The following CLDN16 variants were observed in gnomAD, a reference collection of about 807,000 sequenced individuals.
CLDN16 encodes claudin-16.
CLDN16 carries 13 observed loss-of-function variants against 24.6 expected under a neutral mutation model. The ratio of observed to expected loss-of-function variants is 0.53; its 90% confidence interval spans 0.34 to 0.84. CLDN16 has a LOEUF of 0.84. Among genes scored for constraint, CLDN16 ranks in the 40% least tolerant of loss-of-function variants. The pLI, the probability that CLDN16 is intolerant of heterozygous loss-of-function variation, is 0.01. For synonymous variants in CLDN16, 116 were observed against 106.7 expected, an observed-to-expected ratio of 1.09 and a Z score of -0.54; for missense variants, 298 against 292.7, an observed-to-expected ratio of 1.02 and a Z score of -0.13.
intron 1 of CLDN16, among the ~76,000 whole-genome samples, chr3:190,358,043 A>T (rs1475993239): frequency 6.6e-6 from 1 of 151,932 alleles, no homozygotes; most frequent in South Asian, 2.1e-4. Flanking sequence ...ATAGAATAGG[A>T]TTCTAAAAAT....
At chr3:190,301,484 ACT>A in the CLDN16 span, among the ~76,000 whole-genome samples, 1 of 107,736 alleles carries the variant, frequency 9.3e-6, no homozygotes, top group African/African-American at 4.3e-5. Flanking sequence ...ACAGAATGAG[ACT>A]CTGTCTCAAA....
Position 190,410,308 on chromosome 3 carries a change from A to T in CLDN16, c.*272A>T. 2.3e-6 allele frequency: 1 copy of T among 430,800 alleles called. No individual in the cohort carries two copies. The highest frequency in any genetic ancestry group is 4.3e-6 in the Non-Finnish European group (1 of 235,062). 26.7% of individuals were successfully genotyped at this position (430,800 alleles called of 1,614,324 possible). A position where few individuals can be genotyped will look rare whatever the true frequency, so the allele number is the denominator to read the frequency against. On this transcript the variant is annotated 3_prime_UTR_variant, in exon 5 of 5. Coordinates refer to ENST00000264734, the MANE Select transcript of CLDN16 (RefSeq NM_006580.4). ...TAGGATGTAGAAATATTTGTTTGTG[A>T]TTTCTATATAGCTATTAGAGATTAT...
upstream of CLDN16, among the ~76,000 whole-genome samples, chr3:190,320,911 T>C (rs1462764585): frequency 6.6e-6 from 1 of 152,154 alleles, no homozygotes; most frequent in Non-Finnish European, 1.5e-5. Flanking sequence ...ATTATCTAAG[T>C]AAATGGGAAT....
At chr3:190,310,232 G>A in the CLDN16 span, 1 of 1,613,482 alleles carries the variant, frequency 6.2e-7, no homozygotes, top group Non-Finnish European at 8.5e-7. Flanking sequence ...ATACCATGCT[G>A]TGGCAACTAA....
the CLDN16 span, among the ~76,000 whole-genome samples, chr3:190,310,603 C>G: frequency 2.6e-5 from 4 of 152,066 alleles, no homozygotes; most frequent in Non-Finnish European, 5.9e-5. Flanking sequence ...AAACTATTGT[C>G]ATTATTAGTA....
chr3:190,300,575 A>G, the CLDN16 span, among the ~76,000 whole-genome samples: 1 of 152,246 alleles, frequency 6.6e-6, no homozygotes, highest in African/African-American at 2.4e-5. Flanking sequence ...TATTAGGAAT[A>G]TATGATAGAC....
intron 2 of CLDN16, 42 bp from the exon 3 acceptor site, chr3:190,404,720 C>T: frequency 6.2e-7 from 1 of 1,606,714 alleles, no homozygotes; most frequent in African/African-American, 1.3e-5. Flanking sequence ...AATATGGTTC[C>T]TTCTTCTGAC....
chr3:190,296,842 G>T, the CLDN16 span, among the ~76,000 whole-genome samples: 1 of 152,084 alleles, frequency 6.6e-6, no homozygotes, highest in Non-Finnish European at 1.5e-5. Flanking sequence ...GAGCCACCGC[G>T]CCCGGCCCAG....
intron 1 of CLDN16, among the ~76,000 whole-genome samples, chr3:190,361,637 A>G (rs1362237497): frequency 1.3e-5 from 2 of 151,998 alleles, no homozygotes; most frequent in Non-Finnish European, 2.9e-5. Flanking sequence ...CAAGAGGTAG[A>G]TAGAAATTAT....
chr3:190,291,517 C>T, the CLDN16 span, among the ~76,000 whole-genome samples: 1 of 152,084 alleles, frequency 6.6e-6, no homozygotes, highest in African/African-American at 2.4e-5. Flanking sequence ...GGGAAACCAC[C>T]TCCATGATCC....
At position 190,410,887 on chromosome 3, in the gene CLDN16, CA is replaced by C. The variant is rs1719259880; in HGVS notation, c.*853del. On this transcript the variant is annotated 3_prime_UTR_variant, in exon 5 of 5. Transcript: ENST00000264734. Reference sequence around the variant, plus strand: ...CCACACACCACTGAATCATCAGCACCAAGCAATATATTAGACATATGGCAAA... The same window carrying C: ...CCACACACCACTGAATCATCAGCACCAGCAATATATTAGACATATGGCAAA... 1 of 152,086 alleles carries C rather than the reference CA, an allele frequency of 6.6e-6. No individual in the cohort carries two copies. Among genetic ancestry groups the C allele is most frequent in the Non-Finnish European group, 1.5e-5 (1 of 68,010 alleles). The allele number at this position is 152,086 out of a possible 1,614,324, so 9.4% of individuals were successfully genotyped here. A position where few individuals can be genotyped will look rare whatever the true frequency, so the allele number is the denominator to read the frequency against.
At chr3:190,378,301 C>A (rs1462124709) in intron 3 of CLDN16, among the ~76,000 whole-genome samples, 1 of 151,936 alleles carries the variant, frequency 6.6e-6, no homozygotes, top group African/African-American at 2.4e-5. Flanking sequence ...GTAGAATCAG[C>A]AGACGAGAGA....
chr3:190,317,400 T>C, the CLDN16 span, among the ~76,000 whole-genome samples: 1 of 152,220 alleles, frequency 6.6e-6, no homozygotes, highest in Non-Finnish European at 1.5e-5. Context: ...ATTTTCCACC[T>C]GAAAGTAGAA....
chr3:190,291,509 G>C, the CLDN16 span, among the ~76,000 whole-genome samples: 1 of 152,016 alleles, frequency 6.6e-6, no homozygotes, highest in Non-Finnish European at 1.5e-5. Context: ...CAGCATGGGG[G>C]AAACCACCTC....
the CLDN16 span, among the ~76,000 whole-genome samples, chr3:190,296,839 C>A: frequency 6.6e-6 from 1 of 152,154 alleles, no homozygotes; most frequent in South Asian, 2.1e-4. Flanking sequence ...CGTGAGCCAC[C>A]GCGCCCGGCC....
chr3:190,320,877 A>C (rs1716899123), upstream of CLDN16, among the ~76,000 whole-genome samples: 1 of 152,194 alleles, frequency 6.6e-6, no homozygotes, highest in African/African-American at 2.4e-5. Flanking sequence ...TTTCTCAAGG[A>C]AGATACTCCA....
intron 1 of CLDN16, among the ~76,000 whole-genome samples, chr3:190,352,882 G>A (rs1717698323): frequency 1.3e-5 from 2 of 151,844 alleles, no homozygotes; most frequent in African/African-American, 4.8e-5. Context: ...TTAGGATAGT[G>A]CTAAATTATT....
At chr3:190,335,369 C>T (rs1717277703) in intron 1 of CLDN16, among the ~76,000 whole-genome samples, 5 of 151,878 alleles carry the variant, frequency 3.3e-5, no homozygotes, top group Admixed American at 2.6e-4. Context: ...TCTGAAATCA[C>T]ATCTTCATCT....
At chr3:190,401,325 T>G in intron 1 of CLDN16, among the ~76,000 whole-genome samples, 1 of 90,506 alleles carries the variant, frequency 1.1e-5, no homozygotes, top group Non-Finnish European at 2.2e-5. Flanking sequence ...TTTGCATTCC[T>G]CATCCCACCC....
Sources: gnomAD v4.1 joint callset for allele counts (sites outside exome capture counted in the v4.1 genomes callset) on GRCh38, gnomAD v4.1.1 for gene constraint, MANE v1.5 for transcripts, NCBI Gene and HGNC (gene_info 2026-07-23, HGNC 2026-07-21) for gene names.